The following COL8A1 variants were observed in gnomAD, a reference collection of about 807,000 sequenced individuals.
COL8A1 encodes collagen alpha-1(VIII) chain.
In COL8A1, 21 loss-of-function variants were observed where a neutral mutation model predicts 42.7. The observed-to-expected ratio is 0.49, with a 90% CI of 0.35 to 0.71. The LOEUF (loss-of-function observed/expected upper bound fraction) is 0.71, where lower values mean the gene tolerates loss of function less well. COL8A1 is among the 30% of genes least tolerant of loss of function. COL8A1 has a pLI of 0.01. For missense variants in COL8A1, 788 were observed against 962.4 expected (o/e 0.82, Z 2.40); for synonymous variants, 367 against 369.1 (o/e 0.99, Z 0.06).
intron 1 of COL8A1, among the ~76,000 whole-genome samples, chr3:99,650,170 C>T (rs1041420409): frequency 6.6e-6 from 1 of 152,154 alleles, no homozygotes; most frequent in South Asian, 2.1e-4. Flanking sequence ...GTCCCCCATT[C>T]TCCTTTCAAC....
Position 99,798,233 on chromosome 3 carries a change from A to C in COL8A1, c.*2097A>C, listed in dbSNP as rs1942136582. ...TAAGAAGAGAAATTAGTCCATTACC[A>C]CAGGGGTTCTTGTCACTACTAATTA... On this transcript the variant is annotated 3_prime_UTR_variant, in exon 4 of 4. Transcript: ENST00000652472. 6.6e-6 allele frequency: 1 copy of C among 152,240 alleles called. No individual in the cohort carries two copies. Among genetic ancestry groups the C allele is most frequent in the Admixed American group, 6.5e-5 (1 of 15,288 alleles). The allele number at this position is 152,240 out of a possible 1,614,324, so 9.4% of individuals were successfully genotyped here.
rs1390277497 is a variant in COL8A1 at position 99,795,348 on chromosome 3, G to T, written c.1447G>T (p.Gly483Ter). Residue 483 changes from glycine (G) to a stop codon, truncating the protein, a stop_gained, in exon 4 of 4, where the codon GGA becomes TGA. Coordinates refer to ENST00000652472, the MANE Select transcript of COL8A1 (RefSeq NM_020351.4). LOFTEE classifies it high-confidence loss of function. ...TGTTCCAGGGCTTCTCGGACCTAAG[G>T]GAGAGCCAGGAATCCCAGGGGATCA... ...PGVPGLLGPKGEPGIPGDQGL... is the reference protein window; with the variant it reads ...PGVPGLLGPK The T allele has an allele frequency of 1.3e-6, 2 of 1,591,504 alleles. No homozygotes were observed. Among genetic ancestry groups the T allele is most frequent in the Non-Finnish European group, 1.7e-6 (2 of 1,168,654 alleles).
intron 1 of COL8A1, among the ~76,000 whole-genome samples, chr3:99,738,200 C>T (rs1213054451): frequency 6.6e-6 from 1 of 152,214 alleles, no homozygotes; most frequent in Non-Finnish European, 1.5e-5. Context: ...GTAATTTGAT[C>T]ATCTGAAGCC....
In COL8A1 at chr3:99,738,181, T is replaced by C. The variant is rs1317291728; in HGVS notation, c.-128-6716T>C. Among the ~76,000 whole-genome samples the C allele has an allele frequency of 3.9e-5, 6 of 152,358 alleles. No homozygotes were observed. The South Asian group carries it at 1.0e-3, about 26-fold the overall frequency. ...TGCCTTTGGTTTGAATGTCCTCCCATAGCTCAGAGTAATTTGATCATCTGA... is the reference window on the plus strand; with the variant it reads ...TGCCTTTGGTTTGAATGTCCTCCCACAGCTCAGAGTAATTTGATCATCTGA... On this transcript the variant is annotated intron_variant, in intron 1 of 3. Coordinates refer to ENST00000652472, the MANE Select transcript of COL8A1 (RefSeq NM_020351.4).
chr3:99,737,534 T>C (rs1940764194), intron 1 of COL8A1, among the ~76,000 whole-genome samples: 1 of 152,112 alleles, frequency 6.6e-6, no homozygotes, highest in African/African-American at 2.4e-5. Context: ...TTCTTTTCTT[T>C]AAGAATGTTG....
intron 1 of COL8A1, among the ~76,000 whole-genome samples, chr3:99,672,479 T>A (rs1488296901): frequency 6.6e-6 from 1 of 151,666 alleles, no homozygotes; most frequent in African/African-American, 2.4e-5. Context: ...TCTCTTGAGG[T>A]TTTTTAAAAA....
chr3:99,755,030 T>C (rs1360908255), intron 2 of COL8A1, among the ~76,000 whole-genome samples: 2 of 152,206 alleles, frequency 1.3e-5, no homozygotes, highest in African/African-American at 2.4e-5. Flanking sequence ...TTTTAGTAGA[T>C]TTCTTGATGT....
intron 2 of COL8A1, among the ~76,000 whole-genome samples, chr3:99,760,440 G>T (rs1165130356): frequency 1.3e-5 from 2 of 152,160 alleles, no homozygotes; most frequent in Non-Finnish European, 2.9e-5. Flanking sequence ...AAGAACTTCA[G>T]CTAGAAAGAA....
intron 1 of COL8A1, among the ~76,000 whole-genome samples, chr3:99,656,597 G>A (rs1237463222): frequency 1.3e-5 from 2 of 152,056 alleles, no homozygotes; most frequent in African/African-American, 4.8e-5. Flanking sequence ...CTCAGTTTAG[G>A]GTTATTATTT....
intron 1 of COL8A1, among the ~76,000 whole-genome samples, chr3:99,716,529 C>A (rs770495574): frequency 3.5e-4 from 53 of 152,090 alleles, no homozygotes; most frequent in Non-Finnish European, 7.1e-4. Flanking sequence ...AAAAAGGAAG[C>A]TTATTAAATA....
rs185570505 is a variant in COL8A1 at position 99,749,003 on chromosome 3, T to C, written c.-4+3982T>C. Among the ~76,000 whole-genome samples the C allele has an allele frequency of 1.7e-3, 264 of 152,318 alleles. 1 individual carries two copies. Among genetic ancestry groups the C allele is most frequent in the African/African-American group, 6.0e-3 (249 of 41,570 alleles). On this transcript the variant is annotated intron_variant, in intron 2 of 3. Coordinates refer to ENST00000652472, the MANE Select transcript of COL8A1 (RefSeq NM_020351.4). ...TAAACTGTTAGGCTGATATATACTA[T>C]GTAAAATAATAATTATATATAACTT... is the stretch of plus-strand genomic sequence containing the variant.
chr3:99,640,063 A>AT (rs1481219878), intron 1 of COL8A1, among the ~76,000 whole-genome samples: 4 of 152,216 alleles, frequency 2.6e-5, no homozygotes, highest in African/African-American at 7.2e-5. Flanking sequence ...TAATAAAAAT[A>AT]TTTAAAAGTT....
intron 2 of COL8A1, among the ~76,000 whole-genome samples, chr3:99,778,847 T>C (rs1941742982): frequency 6.6e-6 from 1 of 152,070 alleles, no homozygotes; most frequent in Non-Finnish European, 1.5e-5. Context: ...AGGATGAAAA[T>C]GGTGCCATTT....
Position 99,762,435 on chromosome 3 carries a change from T to C in COL8A1, c.-4+17414T>C, listed in dbSNP as rs1941382029. Among the ~76,000 whole-genome samples the C allele has an allele frequency of 2.0e-5, 3 of 152,218 alleles. No homozygotes were observed. In the South Asian group the frequency reaches 6.2e-4, roughly 32 times the overall value. On this transcript the variant is annotated intron_variant, in intron 2 of 3. Coordinates refer to ENST00000652472, the MANE Select transcript of COL8A1 (RefSeq NM_020351.4). ...ATGTTCTATCCTTCTGCCTTGTCAG[T>C]ATGTCTTCATATCAAGCTGGGAGGT...
intron 1 of COL8A1, among the ~76,000 whole-genome samples, chr3:99,744,132 G>A (rs1308963452): frequency 6.6e-6 from 1 of 152,008 alleles, no homozygotes; most frequent in African/African-American, 2.4e-5. Flanking sequence ...GGGTTTCACC[G>A]TGTTAGCCAG....
chr3:99,743,888 G>T (rs1940958818), intron 1 of COL8A1, among the ~76,000 whole-genome samples: 1 of 150,722 alleles, frequency 6.6e-6, no homozygotes, highest in African/African-American at 2.4e-5. Flanking sequence ...GACTGAAGTT[G>T]TTCCTCTTAA....
intron 1 of COL8A1, among the ~76,000 whole-genome samples, chr3:99,714,976 C>T (rs143297996): frequency 1.3e-5 from 2 of 151,864 alleles, no homozygotes; most frequent in South Asian, 4.2e-4. Flanking sequence ...AATGCGAAGT[C>T]CTTAGGGAGC....
At chr3:99,716,400 A>C (rs1422542304) in intron 1 of COL8A1, among the ~76,000 whole-genome samples, 1 of 152,112 alleles carries the variant, frequency 6.6e-6, no homozygotes, top group Non-Finnish European at 1.5e-5. Flanking sequence ...TAAGACAAGC[A>C]TTCCATCAGA....
At chr3:99,657,436 C>T (rs1248208359) in intron 1 of COL8A1, among the ~76,000 whole-genome samples, 3 of 152,248 alleles carry the variant, frequency 2.0e-5, no homozygotes, top group Non-Finnish European at 2.9e-5. Flanking sequence ...AGTATTGTTA[C>T]ATTTCTAAAT....
Sources: allele counts gnomAD v4.1 joint callset (sites outside exome capture counted in the v4.1 genomes callset), GRCh38; gene constraint gnomAD v4.1.1; transcripts MANE v1.5; gene names NCBI Gene and HGNC (gene_info 2026-07-23, HGNC 2026-07-21).